ARHGAP26: variants seen among roughly 807,000 people sequenced by gnomAD.
ARHGAP26 encodes rho GTPase-activating protein 26.
ARHGAP26 carries 38 observed loss-of-function variants against 104.8 expected under a neutral mutation model. The ratio of observed to expected loss-of-function variants is 0.36; its 90% confidence interval spans 0.28 to 0.48. The LOEUF is 0.48. Among genes scored for constraint, ARHGAP26 ranks in the 20% least tolerant of loss-of-function variants. The pLI, the probability that ARHGAP26 is intolerant of heterozygous loss-of-function variation, is 0.99. For missense variants in ARHGAP26, 704 were observed against 947.9 expected, an observed-to-expected ratio of 0.74 and a Z score of 3.38; for synonymous variants, 341 against 340.0, an observed-to-expected ratio of 1.00 and a Z score of -0.03.
intron 1 of ARHGAP26, among the ~76,000 whole-genome samples, chr5:142,807,162 A>G (rs1333238238): frequency 6.6e-6 from 1 of 152,266 alleles, no homozygotes; most frequent in Non-Finnish European, 1.5e-5. Flanking sequence ...CAGTGAATGC[A>G]TTGAGCCAAC....
At chr5:143,166,720 G>T (rs1234748730) in intron 20 of ARHGAP26, among the ~76,000 whole-genome samples, 1 of 152,168 alleles carries the variant, frequency 6.6e-6, no homozygotes, top group East Asian at 1.9e-4. Flanking sequence ...TGAGGCAGGG[G>T]ATTCTACAGT....
chr5:143,053,319 G>A (rs1003776172), intron 14 of ARHGAP26, among the ~76,000 whole-genome samples: 1 of 152,072 alleles, frequency 6.6e-6, no homozygotes, highest in Non-Finnish European at 1.5e-5. Flanking sequence ...AGTAAGAAAA[G>A]GGTTGCTCTC....
intron 10 of ARHGAP26, among the ~76,000 whole-genome samples, chr5:142,928,944 C>CT (rs1375314459): frequency 1.3e-5 from 2 of 152,092 alleles, no homozygotes; most frequent in Non-Finnish European, 2.9e-5. Flanking sequence ...TATCCTCCTT[C>CT]TTTTTTTATT....
intron 11 of ARHGAP26, among the ~76,000 whole-genome samples, chr5:142,961,260 G>A (rs1770181929): frequency 6.6e-6 from 1 of 152,174 alleles, no homozygotes; most frequent in African/African-American, 2.4e-5. Flanking sequence ...GGAGGCTGAG[G>A]TGGGAGGATT....
chr5:143,142,500 A>T (rs181835002), intron 19 of ARHGAP26, among the ~76,000 whole-genome samples: 1,555 of 121,512 alleles, frequency 0.013, 25 homozygotes, highest in East Asian at 0.078. Context: ...AGATTTTTTT[A>T]AAAAAAAAAC....
intron 17 of ARHGAP26, among the ~76,000 whole-genome samples, chr5:143,061,116 C>T (rs1462937501): frequency 6.6e-6 from 1 of 152,144 alleles, no homozygotes; most frequent in Non-Finnish European, 1.5e-5. Flanking sequence ...GCATGATTTA[C>T]TTTTGCAAGA....
At chr5:143,036,898 C>G (rs1782733467) in intron 12 of ARHGAP26, among the ~76,000 whole-genome samples, 1 of 152,198 alleles carries the variant, frequency 6.6e-6, no homozygotes, top group Non-Finnish European at 1.5e-5. Flanking sequence ...CCTTATGCTG[C>G]AGTTTCTTCA....
intron 14 of ARHGAP26, among the ~76,000 whole-genome samples, chr5:143,053,206 G>T (rs757160001): frequency 6.6e-6 from 1 of 152,136 alleles, no homozygotes; most frequent in African/African-American, 2.4e-5. Context: ...CTCTGATTGG[G>T]CAGGCTTAGG....
intron 12 of ARHGAP26, among the ~76,000 whole-genome samples, chr5:143,032,107 T>C (rs1201723567): frequency 6.6e-6 from 1 of 152,224 alleles, no homozygotes; most frequent in Non-Finnish European, 1.5e-5. Flanking sequence ...TGCTGCTTTC[T>C]CTGAAAGGAG....
At chr5:143,109,464 AT>A (rs35718935) in intron 17 of ARHGAP26, among the ~76,000 whole-genome samples, 70 of 145,664 alleles carry the variant, frequency 4.8e-4, no homozygotes, top group African/African-American at 3.7e-4. Context: ...TTGTTTTTGT[AT>A]TTTTTTTTTT....
intron 12 of ARHGAP26, among the ~76,000 whole-genome samples, chr5:143,017,976 G>T (rs1290187619): frequency 6.6e-6 from 1 of 152,162 alleles, no homozygotes; most frequent in African/African-American, 2.4e-5. Flanking sequence ...AACCCTACAT[G>T]CAAATTTCTC....
At chr5:143,157,075 G>C (rs1466651648) in intron 20 of ARHGAP26, among the ~76,000 whole-genome samples, 1 of 152,132 alleles carries the variant, frequency 6.6e-6, no homozygotes, top group Non-Finnish European at 1.5e-5. Context: ...GAGCATCGGC[G>C]TGGACAGATT....
chr5:143,155,444 G>A (rs960698386), intron 20 of ARHGAP26, among the ~76,000 whole-genome samples: 16 of 152,208 alleles, frequency 1.1e-4, no homozygotes, highest in Non-Finnish European at 5.9e-5. Flanking sequence ...GGCTTCCCTT[G>A]GTTGAGGGTG....
chr5:143,030,928 T>G (rs1017458372), intron 12 of ARHGAP26, among the ~76,000 whole-genome samples: 4 of 152,254 alleles, frequency 2.6e-5, no homozygotes, highest in Non-Finnish European at 5.9e-5. Flanking sequence ...CATATCAGTG[T>G]AAACTTGCAG....
At chr5:142,821,164 A>G (rs1766090901) in intron 1 of ARHGAP26, among the ~76,000 whole-genome samples, 1 of 152,156 alleles carries the variant, frequency 6.6e-6, no homozygotes. Context: ...CATCTTAACT[A>G]TGTTTCTGTG....
At chr5:142,976,440 C>T (rs1335426944) in intron 11 of ARHGAP26, among the ~76,000 whole-genome samples, 1 of 152,110 alleles carries the variant, frequency 6.6e-6, no homozygotes, top group Non-Finnish European at 1.5e-5. Context: ...TTTTGCTAAC[C>T]CTGAAAGTAG....
At position 143,210,562 on chromosome 5, in the gene ARHGAP26, G is replaced by A. The variant is rs116470042; in HGVS notation, c.2099+3254G>A. Among the ~76,000 whole-genome samples the A allele has an allele frequency of 8.4e-3, 1,271 of 152,206 alleles. 18 individuals carry two copies. The highest frequency in any genetic ancestry group is 0.028 in the African/African-American group (1,161 of 41,506). On this transcript the variant is annotated intron_variant, in intron 21 of 22. Transcript: ENST00000645722. ...AGGGTGCTGGAGACACATTCCCTCCGTATTTCCCTTTTCTTTCACTTGCTC... is the reference window on the plus strand; with the variant it reads ...AGGGTGCTGGAGACACATTCCCTCCATATTTCCCTTTTCTTTCACTTGCTC...
chr5:143,186,195 C>T (rs1014711295), intron 20 of ARHGAP26, among the ~76,000 whole-genome samples: 1 of 152,164 alleles, frequency 6.6e-6, no homozygotes, highest in African/African-American at 2.4e-5. Flanking sequence ...ATAATATCAC[C>T]TTGTAGAGTA....
At chr5:142,792,376 G>A (rs1180754683) in intron 1 of ARHGAP26, among the ~76,000 whole-genome samples, 3 of 152,324 alleles carry the variant, frequency 2.0e-5, no homozygotes, top group East Asian at 3.9e-4. Context: ...GACTGTCTCT[G>A]TCTTTCTCTT....
Sources: allele counts gnomAD v4.1 joint callset (sites outside exome capture counted in the v4.1 genomes callset), GRCh38; gene constraint gnomAD v4.1.1; transcripts MANE v1.5; gene names NCBI Gene and HGNC (gene_info 2026-07-23, HGNC 2026-07-21).